The following SLC1A2 variants were observed in gnomAD, a reference collection of about 807,000 sequenced individuals.
SLC1A2 encodes excitatory amino acid transporter 2.
A neutral mutation model predicts 48.8 loss-of-function variants in SLC1A2; 15 were observed. The observed-to-expected ratio is 0.31, with a 90% CI of 0.21 to 0.47. The LOEUF (loss-of-function observed/expected upper bound fraction) is 0.47, where lower values mean the gene tolerates loss of function less well. Among genes scored for constraint, SLC1A2 ranks in the 20% least tolerant of loss-of-function variants. SLC1A2 has a pLI of 0.99. For missense variants in SLC1A2, 502 were observed against 730.5 expected, an observed-to-expected ratio of 0.69 and a Z score of 3.61; for synonymous variants, 279 against 272.6, an observed-to-expected ratio of 1.02 and a Z score of -0.23.
At chr11:35,342,276 A>G (rs7943314) in intron 1 of SLC1A2, among the ~76,000 whole-genome samples, 92,825 of 152,066 alleles carry the variant, frequency 0.61, 28,518 homozygotes, top group East Asian at 0.7. Context: ...TTGTTTTAAC[A>G]AGAAAAATAT....
intron 1 of SLC1A2, among the ~76,000 whole-genome samples, chr11:35,343,842 A>T (rs3858469): frequency 2.6e-5 from 4 of 151,218 alleles, no homozygotes; most frequent in Non-Finnish European, 4.4e-5. Flanking sequence ...ACACACAGGC[A>T]CACACACACA....
intron 1 of SLC1A2, chr11:35,418,441 T>A (rs11033117): frequency 0.033 from 5,087 of 154,342 alleles, 259 homozygotes; most frequent in African/African-American, 0.12. Flanking sequence ...CAAGGACCGA[T>A]CGGAGCGGGC....
Position 35,273,400 on chromosome 11 carries a change from T to C in SLC1A2, c.1421+7467A>G, listed in dbSNP as rs1169952932. On this transcript the variant is annotated intron_variant, in intron 9 of 10. Transcript: ENST00000278379. ...CCCAGCTCAAGCATTAAAGATTTCT[T>C]AGCCTGTCCTGCTCAGCTTTCTCAT... Among the ~76,000 whole-genome samples the C allele has an allele frequency of 4.6e-5, 7 of 152,204 alleles. No individual in the cohort carries two copies. The East Asian group carries it at 1.3e-3, about 29-fold the overall frequency.
intron 1 of SLC1A2, chr11:35,322,728 G>T: frequency 9.8e-7 from 1 of 1,021,218 alleles, no homozygotes; most frequent in Non-Finnish European, 1.5e-6. Context: ...TCTCCCGTAA[G>T]ACAGTTGTTG....
Position 35,395,117 on chromosome 11 carries a change from C to T in SLC1A2, c.17+23833G>A, listed in dbSNP as rs554008106. On this transcript the variant is annotated intron_variant, in intron 1 of 10. Transcript: ENST00000278379. The stretch of plus-strand genomic sequence containing the variant: ...ATGGGCTCTCCCTGAGTAGGGAGGG[C>T]AGTGGGGATCCACTGTGGACAGGAG... Among the ~76,000 whole-genome samples the T allele has an allele frequency of 1.4e-4, 22 of 152,136 alleles. No homozygotes were observed. The South Asian group carries it at 4.4e-3, about 30-fold the overall frequency.
intron 1 of SLC1A2, among the ~76,000 whole-genome samples, chr11:35,386,707 A>C (rs1000600809): frequency 2.0e-5 from 3 of 152,220 alleles, no homozygotes; most frequent in Non-Finnish European, 4.4e-5. Flanking sequence ...TAAGGGGCTT[A>C]ATGTGTGTCA....
chr11:35,362,079 G>T (rs1853699048), intron 1 of SLC1A2, among the ~76,000 whole-genome samples: 1 of 152,238 alleles, frequency 6.6e-6, no homozygotes, highest in Non-Finnish European at 1.5e-5. Context: ...ACAGAGAATG[G>T]AGCTTCAGTT....
At chr11:35,279,115 G>C (rs1653933597) in intron 9 of SLC1A2, among the ~76,000 whole-genome samples, 1 of 152,252 alleles carries the variant, frequency 6.6e-6, no homozygotes, top group Admixed American at 6.5e-5. Flanking sequence ...AAAAATAAGT[G>C]TGGGCACTTT....
intron 1 of SLC1A2, among the ~76,000 whole-genome samples, chr11:35,346,362 C>T (rs1853034477): frequency 6.6e-6 from 1 of 152,166 alleles, no homozygotes; most frequent in Non-Finnish European, 1.5e-5. Context: ...AGCTCTGCAA[C>T]CCTTTATGAG....
intron 6 of SLC1A2, chr11:35,299,823 G>A (rs1475423709): frequency 6.6e-6 from 1 of 152,206 alleles, no homozygotes; most frequent in Non-Finnish European, 1.5e-5. Flanking sequence ...AGTGGAAAAG[G>A]ATCAGAAGAA....
intron 1 of SLC1A2, among the ~76,000 whole-genome samples, chr11:35,335,724 C>T (rs7939877): frequency 7.9e-5 from 12 of 152,142 alleles, no homozygotes; most frequent in East Asian, 1.9e-4. Flanking sequence ...GCACTTTGGG[C>T]GGCCAAGGCA....
chr11:35,316,125 G>A (rs561943367), intron 2 of SLC1A2: 83 of 152,310 alleles, frequency 5.4e-4, no homozygotes, highest in African/African-American at 1.9e-3. Context: ...TGGACTCTAA[G>A]ATATATAATT....
At chr11:35,271,452 T>C (rs1850277321) in intron 9 of SLC1A2, among the ~76,000 whole-genome samples, 1 of 152,140 alleles carries the variant, frequency 6.6e-6, no homozygotes, top group Non-Finnish European at 1.5e-5. Context: ...TTTTAATGAA[T>C]GGGCAAGATA....
intron 9 of SLC1A2, among the ~76,000 whole-genome samples, chr11:35,267,753 C>A (rs2134622478): frequency 6.7e-6 from 1 of 148,702 alleles, no homozygotes; most frequent in East Asian, 2.0e-4. Flanking sequence ...CTCCAGCCCC[C>A]AATTTACTAT....
At chr11:35,292,211 G>A (rs1851032433) in intron 7 of SLC1A2, 76 bp downstream of exon 7, 2 of 998,496 alleles carry the variant, frequency 2.0e-6, no homozygotes, top group Non-Finnish European at 3.1e-6. Flanking sequence ...TGTGATGGGA[G>A]GGTTTTGAGA....
intron 1 of SLC1A2, chr11:35,374,590 G>C (rs1300583950): frequency 5.7e-6 from 1 of 174,270 alleles, no homozygotes; most frequent in East Asian, 1.7e-4. Flanking sequence ...AAAAGAAAAA[G>C]GGTTTGTGTA....
At chr11:35,305,477 C>G (rs192126543) in intron 5 of SLC1A2, among the ~76,000 whole-genome samples, 180 of 152,340 alleles carry the variant, frequency 1.2e-3, no homozygotes, top group Non-Finnish European at 2.1e-3. Context: ...AAACCCAGGT[C>G]TGCCCAACTG....
intron 6 of SLC1A2, among the ~76,000 whole-genome samples, chr11:35,297,239 C>T (rs1166681946): frequency 1.3e-5 from 2 of 152,136 alleles, no homozygotes; most frequent in African/African-American, 4.8e-5. Flanking sequence ...GTTCTTCATC[C>T]TCTCCTGGAC....
In SLC1A2 at chr11:35,296,420, A is replaced by G. The variant is rs549762640; in HGVS notation, c.858-3900T>C. Among the ~76,000 whole-genome samples the G allele has an allele frequency of 1.1e-4, 16 of 152,336 alleles. No homozygotes were observed. In the East Asian group the frequency reaches 1.5e-3, roughly 15 times the overall value. On this transcript the variant is annotated intron_variant, in intron 6 of 10. Coordinates refer to ENST00000278379, the MANE Select transcript of SLC1A2 (RefSeq NM_004171.4). ...TTAGGGATAGGAGTTCCAGCTACCC[A>G]AAGAGTGATTTTTGTTAAAAGTTAC... is the stretch of plus-strand genomic sequence containing the variant.
Sources: gnomAD v4.1 joint callset for allele counts (sites outside exome capture counted in the v4.1 genomes callset) on GRCh38, gnomAD v4.1.1 for gene constraint, MANE v1.5 for transcripts, NCBI Gene and HGNC (gene_info 2026-07-23, HGNC 2026-07-21) for gene names.